TECRL: variants seen among roughly 807,000 people sequenced by gnomAD.
TECRL encodes trans-2,3-enoyl-CoA reductase like, also known as trans-2,3-enoyl-CoA reductase-like.
A neutral mutation model predicts 52.8 loss-of-function variants in TECRL; 63 were observed. That is an observed-to-expected ratio of 1.19 (90% CI 0.97 to 1.47). The LOEUF (loss-of-function observed/expected upper bound fraction) is 1.47. TECRL is among the 40% of genes most tolerant of loss of function. TECRL has a pLI of 0.00. For synonymous variants in TECRL, 164 were observed against 141.9 expected (o/e 1.16, Z -1.10); for missense variants, 482 against 429.6 (o/e 1.12, Z -1.08).
rs1722622091 is a variant in TECRL, at chr4:64,277,719, A to C, written c.*2353T>G. Reference sequence around the variant, plus strand: ...CTAAGAGCTTTAATGAACATATTTTATAACATATGTATAATCTGAGAATTG... The same window carrying C: ...CTAAGAGCTTTAATGAACATATTTTCTAACATATGTATAATCTGAGAATTG... On this transcript the variant is annotated 3_prime_UTR_variant, in exon 12 of 12. Transcript: ENST00000381210. The C allele has an allele frequency of 3.3e-5, 5 of 151,960 alleles. No homozygotes were observed. In the South Asian group the frequency reaches 1.0e-3, roughly 31 times the overall value. The allele number at this position is 151,960 out of a possible 1,614,324, so 9.4% of individuals were successfully genotyped here.
chr4:64,308,491 C>T (rs1369329436), intron 6 of TECRL, among the ~76,000 whole-genome samples: 6 of 152,212 alleles, frequency 3.9e-5, no homozygotes, highest in African/African-American at 1.4e-4. Context: ...ATCTCTACCC[C>T]TCCCCTTAGG....
At chr4:64,316,935 T>C (rs968820145) in intron 4 of TECRL, among the ~76,000 whole-genome samples, 1 of 152,090 alleles carries the variant, frequency 6.6e-6, no homozygotes, top group African/African-American at 2.4e-5. Context: ...AAATTGAGAG[T>C]CTTTGAAACC....
intron 2 of TECRL, among the ~76,000 whole-genome samples, chr4:64,374,196 G>A (rs1335381019): frequency 6.7e-6 from 1 of 149,564 alleles, no homozygotes; most frequent in Non-Finnish European, 1.5e-5. Context: ...CCTTCCTCAA[G>A]AATTTTAAAC....
At chr4:64,361,670 C>G (rs1721211296) in intron 2 of TECRL, among the ~76,000 whole-genome samples, 1 of 151,968 alleles carries the variant, frequency 6.6e-6, no homozygotes, top group Non-Finnish European at 1.5e-5. Flanking sequence ...ATTCCATAGC[C>G]AAACCCTCAA....
chr4:64,306,344 C>G (rs1312074821), intron 6 of TECRL, among the ~76,000 whole-genome samples: 1 of 152,064 alleles, frequency 6.6e-6, no homozygotes, highest in Non-Finnish European at 1.5e-5. Flanking sequence ...AGAAGGATAT[C>G]CTGGGGCAAC....
At chr4:64,336,855 G>C (rs1314557450) in intron 2 of TECRL, among the ~76,000 whole-genome samples, 1 of 152,170 alleles carries the variant, frequency 6.6e-6, no homozygotes, top group African/African-American at 2.4e-5. Context: ...TAGTTTGATT[G>C]CACTGTGGTC....
intron 2 of TECRL, among the ~76,000 whole-genome samples, chr4:64,369,407 A>C (rs2109652026): frequency 6.6e-6 from 1 of 152,216 alleles, no homozygotes; most frequent in African/African-American, 2.4e-5. Flanking sequence ...CCAATTGTGA[A>C]CTATGTTCAG....
rs199758899 is a variant in TECRL at position 64,293,015 on chromosome 4, TATATC to T, written c.775-3253_775-3249del. Among the ~76,000 whole-genome samples the T allele has an allele frequency of 5.5e-3, 838 of 152,206 alleles. 5 individuals are homozygous for T. The highest frequency in any genetic ancestry group is 0.019 in the African/African-American group (784 of 41,560). ...AAATTTAAAAATATTTATTTGTACT[TATATC>T]ATATAATCTTTATTGAGTAATTTGA... On this transcript the variant is annotated intron_variant, in intron 8 of 11. Coordinates refer to ENST00000381210, the MANE Select transcript of TECRL (RefSeq NM_001010874.5).
chr4:64,394,531 G>A, intron 1 of TECRL, among the ~76,000 whole-genome samples: 1 of 152,140 alleles, frequency 6.6e-6, no homozygotes, highest in East Asian at 1.9e-4. Context: ...AATTCCCGTG[G>A]CATAAGATAT....
intron 1 of TECRL, among the ~76,000 whole-genome samples, chr4:64,385,144 G>A (rs982783116): frequency 2.6e-5 from 4 of 152,100 alleles, no homozygotes; most frequent in African/African-American, 9.7e-5. Context: ...GAGGCTGGTG[G>A]CTCTGGTGAC....
At chr4:64,349,597 A>G (rs6821531) in intron 2 of TECRL, among the ~76,000 whole-genome samples, 102,228 of 152,088 alleles carry the variant, frequency 0.67, 35,496 homozygotes, top group Non-Finnish European at 0.76. Flanking sequence ...AATGCTGTGT[A>G]ATGTGAATGA....
At chr4:64,281,259 T>A (rs945175303) in intron 10 of TECRL, among the ~76,000 whole-genome samples, 173 bp from the exon 11 acceptor site, 2 of 151,884 alleles carry the variant, frequency 1.3e-5, no homozygotes, top group Non-Finnish European at 2.9e-5. Context: ...AGCAATCTCA[T>A]TAAATGGGAT....
intron 2 of TECRL, among the ~76,000 whole-genome samples, chr4:64,359,506 G>C (rs916924210): frequency 2.0e-5 from 1 of 51,160 alleles, no homozygotes; most frequent in Non-Finnish European, 4.9e-5. Flanking sequence ...CTAGATGCTT[G>C]ATGATTATTA....
intron 1 of TECRL, among the ~76,000 whole-genome samples, chr4:64,384,592 CTGG>C (rs1356472882): frequency 6.6e-6 from 1 of 152,004 alleles, no homozygotes; most frequent in Non-Finnish European, 1.5e-5. Context: ...TTTATAGGTA[CTGG>C]TGGTAGTGGA....
chr4:64,359,952 A>C (rs1024604655), intron 2 of TECRL, among the ~76,000 whole-genome samples: 15 of 152,160 alleles, frequency 9.9e-5, no homozygotes, highest in African/African-American at 3.6e-4. Flanking sequence ...ATACAGGCTT[A>C]AGTAAGAAAT....
intron 7 of TECRL, among the ~76,000 whole-genome samples, chr4:64,302,134 T>G (rs902645861): frequency 6.6e-6 from 1 of 151,330 alleles, no homozygotes; most frequent in African/African-American, 2.4e-5. Context: ...ATTTTGATAA[T>G]CTATTTCATT....
At chr4:64,405,046 C>A (rs183945831) in intron 1 of TECRL, among the ~76,000 whole-genome samples, 32 of 152,008 alleles carry the variant, frequency 2.1e-4, no homozygotes, top group African/African-American at 7.7e-4. Context: ...TGCTTATATA[C>A]TAAGGGTAGG....
rs199824935 is a variant in TECRL, at chr4:64,374,017, AGTAGATACATATATATATAT to A, written c.286+1135_286+1154del. ...TCTACTATACTATAGTATAGTATAT[AGTAGATACATATATATATAT>A]GTATATAGTAGATACATATATATAT... On this transcript the variant is annotated intron_variant, in intron 2 of 11. Coordinates refer to ENST00000381210, the MANE Select transcript of TECRL (RefSeq NM_001010874.5). Among the ~76,000 whole-genome samples, 652 of 138,564 alleles carry A rather than the reference AGTAGATACATATATATATAT, an allele frequency of 4.7e-3. 6 individuals are homozygous for A. The highest frequency in any genetic ancestry group is 0.016 in the African/African-American group (597 of 36,870). The allele number at this position is 138,564 out of a possible 152,430, so 90.9% of individuals were successfully genotyped here.
intron 8 of TECRL, among the ~76,000 whole-genome samples, chr4:64,291,306 T>C (rs535354242): frequency 2.0e-5 from 3 of 152,162 alleles, no homozygotes; most frequent in African/African-American, 7.2e-5. Context: ...CCTACAGTAA[T>C]CTCACTTCTC....
Sources: allele counts gnomAD v4.1 joint callset (sites outside exome capture counted in the v4.1 genomes callset), GRCh38; gene constraint gnomAD v4.1.1; transcripts MANE v1.5; gene names NCBI Gene and HGNC (gene_info 2026-07-23, HGNC 2026-07-21).